The following CPAMD8 variants were observed in gnomAD, a reference collection of about 807,000 sequenced individuals.
CPAMD8 encodes C3 and PZP like alpha-2-macroglobulin domain containing 8.
Under a neutral mutation model 224.7 loss-of-function variants are expected in CPAMD8, and 146 were observed. The ratio of observed to expected loss-of-function variants is 0.65; its 90% CI spans 0.57 to 0.75. The LOEUF (loss-of-function observed/expected upper bound fraction) is 0.75. Among genes scored for constraint, CPAMD8 ranks in the 30% least tolerant of loss-of-function variants. The probability of loss-of-function intolerance (pLI) is 0.00; values close to 1 mark genes in which losing one functional copy is unlikely to be tolerated. For synonymous variants in CPAMD8, 966 were observed against 1,044.6 expected (o/e 0.92, Z 1.45); for missense variants, 2,301 against 2,537.5 (o/e 0.91, Z 2.00).
chr19:16,921,939 C>G lies in CPAMD8; in HGVS notation c.3595G>C (p.Ala1199Pro). Residue 1199 changes from alanine (A) to proline (P), a missense_variant, in exon 27 of 42, where the codon GCG (alanine) becomes CCG (proline). By Grantham distance (27) the Ala-to-Pro change is conservative. This residue lies in a region of CPAMD8 where 1,709 missense variants were observed against 1,753.2 expected (regional missense o/e 0.97). Coordinates refer to ENST00000443236, the MANE Select transcript of CPAMD8 (RefSeq NM_015692.5). ...TYKRQDGSYS[A>P]FGERDASGSM... ...CCCGATGCGTCCCGCTCCCCAAACG[C>G]GCTGTAGGAGCCATCCTGGCGCTTG... The G allele has an allele frequency of 6.5e-7, 1 of 1,547,526 alleles. No homozygotes were observed. The highest frequency in any genetic ancestry group is 8.7e-7 in the Non-Finnish European group (1 of 1,146,776).
At chr19:16,943,808 A>C (rs1190909409) in intron 22 of CPAMD8, among the ~76,000 whole-genome samples, 1 of 152,104 alleles carries the variant, frequency 6.6e-6, no homozygotes, top group African/African-American at 2.4e-5. Context: ...CTCTCATTTA[A>C]CCATCCAACG....
chr19:17,023,063 T>C (rs945893646), intron 1 of CPAMD8, among the ~76,000 whole-genome samples: 2 of 152,140 alleles, frequency 1.3e-5, no homozygotes, highest in Non-Finnish European at 2.9e-5. Context: ...AAGGGCTTCT[T>C]TGCAACATTC....
intron 26 of CPAMD8, among the ~76,000 whole-genome samples, chr19:16,924,768 G>A (rs903185704): frequency 6.6e-6 from 1 of 151,926 alleles, no homozygotes; most frequent in African/African-American, 2.4e-5. Context: ...ATTTTTTGTA[G>A]AGACCGGGGT....
chr19:16,992,698 T>C (rs565958461), intron 12 of CPAMD8, among the ~76,000 whole-genome samples: 2 of 152,244 alleles, frequency 1.3e-5, no homozygotes, highest in South Asian at 4.1e-4. Context: ...GTGATCCATC[T>C]GCCTTGGCCT....
rs529022326 is a variant in CPAMD8 at position 16,931,036 on chromosome 19, C to T, written c.2846-1796G>A. ...CTAACTCCCCAACCTGCAGCAACTGCCGCTATGGGATGCTGCAGCCAGGGG... is the reference window on the plus strand; with the variant it reads ...CTAACTCCCCAACCTGCAGCAACTGTCGCTATGGGATGCTGCAGCCAGGGG... On this transcript the variant is annotated intron_variant, in intron 23 of 41. Transcript: ENST00000443236. 1.1e-4 allele frequency among the ~76,000 whole-genome samples: 16 copies of T among 152,328 alleles called. 1 individual carries two copies. Among genetic ancestry groups the T allele is most frequent in the Admixed American group, 9.1e-4 (14 of 15,304 alleles).
chr19:16,997,526 C>A (rs938754140), intron 10 of CPAMD8, among the ~76,000 whole-genome samples, 188 bp from the exon 11 acceptor site: 2 of 152,036 alleles, frequency 1.3e-5, no homozygotes, highest in Non-Finnish European at 2.9e-5. Context: ...GACAACATCC[C>A]AGGGAAGATG....
chr19:16,977,245 A>G (rs2055309844), intron 15 of CPAMD8, 123 bp downstream of exon 15: 1 of 676,716 alleles, frequency 1.5e-6, no homozygotes, highest in African/African-American at 1.8e-5. Flanking sequence ...ATGTTCCCAT[A>G]ATTCCTTACA....
intron 30 of CPAMD8, among the ~76,000 whole-genome samples, chr19:16,905,661 C>T (rs1406335807): frequency 6.6e-6 from 1 of 151,686 alleles, no homozygotes; most frequent in Non-Finnish European, 1.5e-5. Flanking sequence ...CAGCCCACCA[C>T]CACCACCTCC....
Position 16,899,522 on chromosome 19 carries a change from T to C in CPAMD8, c.4801A>G (p.Lys1601Glu), listed in dbSNP as rs2052164642. 1 of 1,572,772 alleles carries C rather than the reference T, an allele frequency of 6.4e-7. No individual in the cohort carries two copies. Among genetic ancestry groups the C allele is most frequent in the Non-Finnish European group, 8.8e-7 (1 of 1,142,688 alleles). ...QLLLDKHMGMKRYEVAGRRVL... is the reference protein window; with the variant it reads ...QLLLDKHMGMERYEVAGRRVL... ...CGGCGTCCAGCCACTTCATACCTCTTCATCCCCATGTGCTTGTCAAGGAGC... is the reference window on the plus strand; with the variant it reads ...CGGCGTCCAGCCACTTCATACCTCTCCATCCCCATGTGCTTGTCAAGGAGC... The change falls in exon 37 of 42, where the codon AAG (lysine) becomes GAG (glutamate). Residue 1601 changes from lysine (K) to glutamate (E), a missense_variant. Lys to Glu is a moderately conservative substitution (Grantham distance 56). Around this residue, in one of 4 missense-constraint regions of CPAMD8, gnomAD observed 1,709 missense variants for 1,753.2 expected, o/e 0.97. Transcript: ENST00000443236. This position sits in a 1 kb window ranked among gnomAD's most constrained non-coding sequence, Gnocchi z 5.4.
At position 16,973,993 on chromosome 19, in the gene CPAMD8, C is replaced by A. The variant is rs907576564; in HGVS notation, c.2070+1104G>T. On this transcript the variant is annotated intron_variant, in intron 17 of 41. Coordinates refer to ENST00000443236, the MANE Select transcript of CPAMD8 (RefSeq NM_015692.5). ...TACAGGCATGCACCACCACGCCCAG[C>A]TAATTATTGTGTTTTTAGTAGAGAG... Among the ~76,000 whole-genome samples, 52 of 150,734 alleles carry A rather than the reference C, an allele frequency of 3.4e-4. 1 individual carries two copies. Among genetic ancestry groups the A allele is most frequent in the Admixed American group, 3.4e-3 (52 of 15,130 alleles).
intron 5 of CPAMD8, 139 bp downstream of exon 5, chr19:17,011,325 T>C (rs1220678566): frequency 2.1e-6 from 2 of 972,292 alleles, no homozygotes; most frequent in Admixed American, 4.6e-5. Context: ...CCTGGGGTTC[T>C]CCGGGGGACA....
chr19:16,900,020 G>C (rs2052187678), intron 36 of CPAMD8, among the ~76,000 whole-genome samples: 1 of 151,804 alleles, frequency 6.6e-6, no homozygotes, highest in Non-Finnish European at 1.5e-5. Flanking sequence ...GGTGACAATA[G>C]GCCCAGCTTT....
chr19:16,926,610 C>T (rs2053370597), intron 25 of CPAMD8, among the ~76,000 whole-genome samples: 1 of 152,228 alleles, frequency 6.6e-6, no homozygotes, highest in Non-Finnish European at 1.5e-5. Flanking sequence ...GCCACCACGC[C>T]TGGCCCCTTC....
At chr19:16,903,648 C>A in intron 33 of CPAMD8, 25 bp from the exon 34 acceptor site, 2 of 1,614,030 alleles carry the variant, frequency 1.2e-6, no homozygotes, top group Non-Finnish European at 1.7e-6. Context: ...CACCGTGAGG[C>A]CCTGCTGACC....
At chr19:16,930,878 C>A (rs2053525982) in intron 23 of CPAMD8, among the ~76,000 whole-genome samples, 1 of 152,172 alleles carries the variant, frequency 6.6e-6, no homozygotes, top group African/African-American at 2.4e-5. Flanking sequence ...ATCTCTGGAG[C>A]CCCACTTACA....
intron 12 of CPAMD8, 111 bp from the exon 13 acceptor site, chr19:16,989,882 A>C: frequency 9.7e-7 from 1 of 1,028,218 alleles, no homozygotes; most frequent in Non-Finnish European, 1.5e-6. Flanking sequence ...ATGCTCCAAT[A>C]TCCCTTTGGG....
In CPAMD8 at chr19:16,929,255, G is replaced by T; in HGVS notation, c.2846-15C>A. ...GTGGACTCTCTCTGGATGGAGGAAAGGAGATGGGGAGTTGAGAGGGCACCT... is the reference window on the plus strand; with the variant it reads ...GTGGACTCTCTCTGGATGGAGGAAATGAGATGGGGAGTTGAGAGGGCACCT... On this transcript the variant is annotated splice_polypyrimidine_tract_variant and intron_variant, in intron 23 of 41. Coordinates refer to ENST00000443236, the MANE Select transcript of CPAMD8 (RefSeq NM_015692.5). The T allele has an allele frequency of 6.3e-7, 1 of 1,581,268 alleles. No individual in the cohort carries two copies.
chr19:16,912,773 C>T (rs2052778228), intron 29 of CPAMD8, among the ~76,000 whole-genome samples: 1 of 151,964 alleles, frequency 6.6e-6, no homozygotes, highest in Non-Finnish European at 1.5e-5. Context: ...AGTCTCACCT[C>T]AAGATATGTG....
intron 34 of CPAMD8, among the ~76,000 whole-genome samples, chr19:16,903,353 A>T (rs1407391010): frequency 6.6e-6 from 1 of 151,208 alleles, no homozygotes; most frequent in East Asian, 2.0e-4. Context: ...GGTCAAATGG[A>T]CCCTCTCAGG....
Sources: allele counts gnomAD v4.1 joint callset (sites outside exome capture counted in the v4.1 genomes callset), GRCh38; gene constraint gnomAD v4.1.1; regional missense constraint gnomAD v4.1.1; non-coding constraint Gnocchi (gnomAD v3.1); transcripts MANE v1.5; gene names NCBI Gene and HGNC (gene_info 2026-07-23, HGNC 2026-07-21).